The following DNMT3A variants were observed in gnomAD, a reference collection of about 807,000 sequenced individuals.
The protein encoded by DNMT3A is DNA (cytosine-5)-methyltransferase 3A.
DNMT3A carries 267 observed loss-of-function variants against 117.6 expected under a neutral mutation model. The observed-to-expected ratio is 2.27, with a 90% CI of 2.05 to 2.51. The LOEUF (loss-of-function observed/expected upper bound fraction) is 2.51, where lower values mean the gene tolerates loss of function less well. Ranked by LOEUF, DNMT3A falls within the 30% of genes most tolerant of loss-of-function variation. The probability of loss-of-function intolerance (pLI) is 0.00; values close to 1 mark genes in which losing one functional copy is unlikely to be tolerated. For missense variants in DNMT3A, 1,029 were observed against 1,260.2 expected, an observed-to-expected ratio of 0.82 and a Z score of 2.78; for synonymous variants, 432 against 474.8, an observed-to-expected ratio of 0.91 and a Z score of 1.17.
intron 1 of DNMT3A, chr2:25,328,734 TC>T: frequency 2.0e-6 from 1 of 500,822 alleles, no homozygotes; most frequent in South Asian, 1.5e-5. Context: ...ATTCTAGGGG[TC>T]GCTTGGCAGA....
intron 6 of DNMT3A, among the ~76,000 whole-genome samples, chr2:25,258,839 G>GA (rs1446323317): frequency 6.6e-6 from 1 of 152,214 alleles, no homozygotes; most frequent in East Asian, 1.9e-4. Flanking sequence ...TGGCAGGAAT[G>GA]AAAAGCACAA....
rs758601570 is a variant in DNMT3A at position 25,237,034 on chromosome 2, C to T, written c.2409-29G>A. 4.3e-6 allele frequency: 7 copies of T among 1,611,654 alleles called. No homozygotes were observed. The South Asian group carries it at 6.6e-5, about 15-fold the overall frequency. On this transcript the variant is annotated intron_variant, in intron 20 of 22. Coordinates refer to ENST00000321117, the MANE Select transcript of DNMT3A (RefSeq NM_022552.5). The surrounding 1 kb of genome is among the most constrained non-coding windows in gnomAD (Gnocchi z 5.4). ...GGAGGCAGAAGAGAGACTGTAACAACAGAAACCTGGATAACAGCGGGAAGG... is the reference window on the plus strand; with the variant it reads ...GGAGGCAGAAGAGAGACTGTAACAATAGAAACCTGGATAACAGCGGGAAGG...
rs1397757528 is a variant in DNMT3A at position 25,248,041 on chromosome 2, T to C, written c.851A>G (p.Tyr284Cys). The change falls in exon 7 of 23, where the codon TAC becomes TGC. Residue 284 changes from tyrosine to cysteine, a missense_variant. Tyr to Cys is a radical substitution (Grantham distance 194). Coordinates refer to ENST00000321117, the MANE Select transcript of DNMT3A (RefSeq NM_022552.5). ...ATKAGDDEPE[Y>C]EDGRGFGIGE... ...GCTGGTGAAGAAGCCGCTCACCTCG[T>C]ACTCTGGCTCGTCATCGCCTGCTTT... The C allele has an allele frequency of 6.2e-7, 1 of 1,611,946 alleles. No homozygotes were observed. The highest frequency in any genetic ancestry group is 2.2e-5 in the East Asian group (1 of 44,876).
Position 25,234,372 on chromosome 2 carries a change from G to A in DNMT3A, c.2646C>T (p.Arg882=). 1 of 1,614,150 alleles carries A rather than the reference G, an allele frequency of 6.2e-7. No homozygotes were observed. ...VHYTDVSNMS[R]LARQRLLGRS... ...GGCCCAGCAGTCTCTGCCTCGCCAA[G>A]CGGCTCATGTTGGAGACGTCAGTAT... The change falls in exon 23 of 23, where the codon CGC becomes CGT. Residue 882 remains arginine (R), a synonymous_variant. Coordinates refer to ENST00000321117, the MANE Select transcript of DNMT3A (RefSeq NM_022552.5). This position sits in a 1 kb window ranked among gnomAD's most constrained non-coding sequence, Gnocchi z 4.5.
chr2:25,260,949 A>G (rs1363704515), intron 6 of DNMT3A, among the ~76,000 whole-genome samples: 1 of 152,154 alleles, frequency 6.6e-6, no homozygotes, highest in Non-Finnish European at 1.5e-5. Context: ...AGCTACGATC[A>G]GAGCATGCCA....
rs563374407 is a variant in DNMT3A at position 25,234,228 on chromosome 2, T to G, written c.*51A>C. Reference sequence around the variant, plus strand: ...GGTGTTTTATTATGTTTTGTGTTTTTTGTTTGTTTGTTTAACTTTGTGTCG... The same window carrying G: ...GGTGTTTTATTATGTTTTGTGTTTTGTGTTTGTTTGTTTAACTTTGTGTCG... On this transcript the variant is annotated 3_prime_UTR_variant, in exon 23 of 23. Transcript: ENST00000321117. This position sits in a 1 kb window ranked among gnomAD's most constrained non-coding sequence, Gnocchi z 4.5. 7 of 1,566,398 alleles carry G rather than the reference T, an allele frequency of 4.5e-6. No individual in the cohort carries two copies. The Middle Eastern group carries it at 6.2e-4, about 139-fold the overall frequency.
intron 6 of DNMT3A, among the ~76,000 whole-genome samples, chr2:25,256,928 G>T (rs1329564185): frequency 6.6e-6 from 1 of 152,142 alleles, no homozygotes; most frequent in Admixed American, 6.5e-5. Context: ...CCATAGTAGA[G>T]GATTAAAAAT....
At chr2:25,300,607 A>G (rs1405855391) in intron 2 of DNMT3A, among the ~76,000 whole-genome samples, 1 of 7,900 alleles carries the variant, frequency 1.3e-4, no homozygotes, top group African/African-American at 2.3e-4. Context: ...ATATATATCT[A>G]AATAATATAT....
chr2:25,264,415 C>T (rs988077696), intron 6 of DNMT3A, among the ~76,000 whole-genome samples: 1 of 151,898 alleles, frequency 6.6e-6, no homozygotes, highest in African/African-American at 2.4e-5. Flanking sequence ...GTTGGGATTA[C>T]AGGCGTGAGC....
intron 3 of DNMT3A, among the ~76,000 whole-genome samples, chr2:25,288,698 C>T (rs180789044): frequency 6.6e-6 from 1 of 152,344 alleles, no homozygotes; most frequent in African/African-American, 2.4e-5. Flanking sequence ...ACTTTAAGTA[C>T]ACTCTCATGG....
At chr2:25,290,154 A>T (rs910355460) in intron 3 of DNMT3A, among the ~76,000 whole-genome samples, 28 of 152,170 alleles carry the variant, frequency 1.8e-4, no homozygotes, top group Non-Finnish European at 3.5e-4. Flanking sequence ...TAATTAAAAA[A>T]AATTTTTTTT....
At chr2:25,291,460 C>T (rs2032759380) in intron 3 of DNMT3A, among the ~76,000 whole-genome samples, 1 of 152,236 alleles carries the variant, frequency 6.6e-6, no homozygotes, top group Non-Finnish European at 1.5e-5. Flanking sequence ...CAGATGCCCC[C>T]TTGCTCGGCC....
At position 25,246,701 on chromosome 2, in the gene DNMT3A, C is replaced by CCA; in HGVS notation, c.1196_1197dup (p.Glu400TrpfsTer8). ...TCAATCATGGGCTTGTTCTGCACCTCCACGGCCTTGGCAGTGTCACTCTCA... is the reference window on the plus strand; with the variant it reads ...TCAATCATGGGCTTGTTCTGCACCTCCACACGGCCTTGGCAGTGTCACTCTCA... On this transcript the variant is annotated frameshift_variant, in exon 10 of 23. Transcript: ENST00000321117. LOFTEE classifies it high-confidence loss of function. 1 of 1,613,828 alleles carries CCA rather than the reference C, an allele frequency of 6.2e-7. No individual in the cohort carries two copies. The highest frequency in any genetic ancestry group is 8.5e-7 in the Non-Finnish European group (1 of 1,180,030).
intron 6 of DNMT3A, among the ~76,000 whole-genome samples, chr2:25,256,271 G>A (rs966108622): frequency 6.6e-6 from 1 of 152,094 alleles, no homozygotes; most frequent in African/African-American, 2.4e-5. Context: ...TGACATTCTA[G>A]GCCCCCACGA....
chr2:25,326,885 A>C (rs1191379030), intron 1 of DNMT3A, among the ~76,000 whole-genome samples: 2 of 152,060 alleles, frequency 1.3e-5, no homozygotes, highest in African/African-American at 4.8e-5. Flanking sequence ...TTCTCCCAGC[A>C]CTCCCCTGGG....
intron 2 of DNMT3A, among the ~76,000 whole-genome samples, chr2:25,309,894 A>C (rs2149422297): frequency 6.6e-6 from 1 of 152,088 alleles, no homozygotes; most frequent in African/African-American, 2.4e-5. Flanking sequence ...TCTACTAAAA[A>C]AAAAAATACA....
intron 3 of DNMT3A, among the ~76,000 whole-genome samples, chr2:25,288,839 G>C (rs967552401): frequency 1.3e-5 from 2 of 152,032 alleles, no homozygotes; most frequent in African/African-American, 4.8e-5. Flanking sequence ...GTCTTCTAAG[G>C]AGCATTTTAA....
intron 16 of DNMT3A, among the ~76,000 whole-genome samples, chr2:25,243,602 G>C (rs933606297): frequency 1.3e-5 from 2 of 152,226 alleles, no homozygotes; most frequent in Non-Finnish European, 2.9e-5. Context: ...TTGAGGCTCT[G>C]TGAAATCTCT....
intron 1 of DNMT3A, among the ~76,000 whole-genome samples, chr2:25,332,639 CGT>C (rs2035057720): frequency 2.0e-5 from 3 of 152,312 alleles, no homozygotes; most frequent in Admixed American, 2.0e-4. Flanking sequence ...CTCGCCATGC[CGT>C]GCCCTGGCTC....
Sources: gnomAD v4.1 joint callset for allele counts (sites outside exome capture counted in the v4.1 genomes callset) on GRCh38, gnomAD v4.1.1 for gene constraint, Gnocchi (gnomAD v3.1) non-coding constraint, MANE v1.5 for transcripts, NCBI Gene and HGNC (gene_info 2026-07-23, HGNC 2026-07-21) for gene names.